GLIS3: variants seen among roughly 807,000 people sequenced by gnomAD.
GLIS3 encodes the protein zinc finger protein GLIS3.
Under a neutral mutation model 78.6 loss-of-function variants are expected in GLIS3, and 53 were observed. The ratio of observed to expected loss-of-function variants is 0.67; its 90% CI spans 0.54 to 0.85. The LOEUF is 0.85. Among genes scored for constraint, GLIS3 ranks in the 40% least tolerant of loss-of-function variants. GLIS3 has a pLI of 0.00. For missense variants in GLIS3, 1,703 were observed against 1,231.1 expected, an observed-to-expected ratio of 1.38 and a Z score of -5.74; for synonymous variants, 684 against 509.9, an observed-to-expected ratio of 1.34 and a Z score of -4.60.
chr9:4,003,770 G>A (rs1329435904), intron 4 of GLIS3, among the ~76,000 whole-genome samples: 1 of 152,204 alleles, frequency 6.6e-6, no homozygotes, highest in Admixed American at 6.5e-5. Context: ...GGATGATGGT[G>A]AGCTGTCTCA....
chr9:4,266,261 G>A (rs1217611650), intron 2 of GLIS3, among the ~76,000 whole-genome samples: 1 of 151,876 alleles, frequency 6.6e-6, no homozygotes, highest in Non-Finnish European at 1.5e-5. Context: ...TCAGGAAAAT[G>A]AGCCACCTGG....
At chr9:4,261,860 G>A (rs1275784915) in intron 2 of GLIS3, among the ~76,000 whole-genome samples, 1 of 152,020 alleles carries the variant, frequency 6.6e-6, no homozygotes, top group Non-Finnish European at 1.5e-5. Context: ...GAACAGATAT[G>A]GACTTCTTTG....
chr9:3,908,146 C>G (rs998278951), intron 6 of GLIS3, among the ~76,000 whole-genome samples: 1 of 152,116 alleles, frequency 6.6e-6, no homozygotes, highest in Non-Finnish European at 1.5e-5. Context: ...GTCACTGTGT[C>G]CAAACCTCCA....
intron 6 of GLIS3, among the ~76,000 whole-genome samples, chr9:3,909,608 C>G (rs1390747253): frequency 6.6e-6 from 1 of 152,062 alleles, no homozygotes; most frequent in East Asian, 1.9e-4. Flanking sequence ...AATGAGCACT[C>G]CAAAATACGT....
the GLIS3 span, among the ~76,000 whole-genome samples, chr9:4,427,156 G>A: frequency 1.3e-5 from 2 of 152,134 alleles, no homozygotes; most frequent in African/African-American, 4.8e-5. Flanking sequence ...TGGGTGAGAG[G>A]CGATGGAACA....
chr9:3,889,822 GT>G lies in GLIS3; in HGVS notation c.2128+8868del, dbSNP rs1411858866. Among the ~76,000 whole-genome samples, 5 of 152,164 alleles carry G rather than the reference GT, an allele frequency of 3.3e-5. 1 individual carries two copies. The highest frequency in any genetic ancestry group is 1.2e-4 in the African/African-American group (5 of 41,448). ...TTAAAAAATCTTAAAACCATCCTTA[GT>G]TCTCAGGCCATGCAAAATCACGGGG... On this transcript the variant is annotated intron_variant, in intron 7 of 10. Coordinates refer to ENST00000381971, the MANE Select transcript of GLIS3 (RefSeq NM_001042413.2).
chr9:3,928,213 AGAT>A lies in GLIS3; in HGVS notation c.1983+4144_1983+4146del, dbSNP rs1410646881. 5.9e-5 allele frequency among the ~76,000 whole-genome samples: 9 copies of A among 152,340 alleles called. No individual in the cohort carries two copies. The East Asian group carries it at 1.7e-3, about 29-fold the overall frequency. On this transcript the variant is annotated intron_variant, in intron 6 of 10. Transcript: ENST00000381971. Reference sequence around the variant, plus strand: ...GGAAGAGGTGGACTAGTTCATCTTGAGATGATATGTCTGTGATATGTGCCTATT... The same window carrying A: ...GGAAGAGGTGGACTAGTTCATCTTGAGATATGTCTGTGATATGTGCCTATT...
chr9:4,220,921 G>A (rs1053161040), intron 2 of GLIS3, among the ~76,000 whole-genome samples: 3 of 152,078 alleles, frequency 2.0e-5, no homozygotes, highest in African/African-American at 7.2e-5. Flanking sequence ...GGAGGTGGAG[G>A]TTGCAGTGAG....
At chr9:4,109,749 C>T (rs1412610850) in intron 4 of GLIS3, among the ~76,000 whole-genome samples, 1 of 152,198 alleles carries the variant, frequency 6.6e-6, no homozygotes, top group Non-Finnish European at 1.5e-5. Context: ...CCTCCAGCCT[C>T]ACTTCCACTC....
chr9:3,963,372 T>C (rs775170974), intron 4 of GLIS3, among the ~76,000 whole-genome samples: 3 of 152,210 alleles, frequency 2.0e-5, no homozygotes, highest in Non-Finnish European at 4.4e-5. Flanking sequence ...AATATTGAAG[T>C]GACGACTGCT....
intron 4 of GLIS3, among the ~76,000 whole-genome samples, chr9:3,962,557 GTTGT>G (rs1817636639): frequency 6.6e-6 from 1 of 152,170 alleles, no homozygotes; most frequent in Admixed American, 6.5e-5. Context: ...CAAGTCGTTG[GTTGT>G]TTACTTATAT....
At chr9:4,332,480 A>G (rs1587390470) in intron 2 of GLIS3, among the ~76,000 whole-genome samples, 1 of 152,146 alleles carries the variant, frequency 6.6e-6, no homozygotes, top group African/African-American at 2.4e-5. Context: ...TTTTCACAAA[A>G]CCACTTACTT....
At position 3,973,403 on chromosome 9, in the gene GLIS3, G is replaced by A. The variant is rs575402397; in HGVS notation, c.1711-36214C>T. ...ATTATATGGTTGGTCTTCCTGGCATGGCCTGTCCCACCTTAACACTGTTGG... is the reference window on the plus strand; with the variant it reads ...ATTATATGGTTGGTCTTCCTGGCATAGCCTGTCCCACCTTAACACTGTTGG... On this transcript the variant is annotated intron_variant, in intron 4 of 10. Transcript: ENST00000381971. Among the ~76,000 whole-genome samples the A allele has an allele frequency of 2.3e-3, 353 of 152,222 alleles. 2 individuals are homozygous for A. Among genetic ancestry groups the A allele is most frequent in the Non-Finnish European group, 3.0e-3 (202 of 68,010 alleles).
At chr9:4,309,200 C>T (rs1817300912) in intron 3 of GLIS3, among the ~76,000 whole-genome samples, 1 of 152,236 alleles carries the variant, frequency 6.6e-6, no homozygotes, top group African/African-American at 2.4e-5. Flanking sequence ...ACTGCACTCT[C>T]CTGTCATTCC....
At chr9:4,302,280 T>A (rs1482596416), upstream of GLIS3, among the ~76,000 whole-genome samples, 1 of 152,218 alleles carries the variant, frequency 6.6e-6, no homozygotes. Context: ...AGGTGGGAAC[T>A]GCAGCCCAGT....
chr9:4,342,344 G>A, intron 2 of GLIS3, among the ~76,000 whole-genome samples: 1 of 152,192 alleles, frequency 6.6e-6, no homozygotes, highest in Non-Finnish European at 1.5e-5. Context: ...TTATGGCCTG[G>A]TGCTTTCATC....
At chr9:4,013,673 C>T (rs115987395) in intron 4 of GLIS3, among the ~76,000 whole-genome samples, 5,481 of 152,272 alleles carry the variant, frequency 0.036, 345 homozygotes, top group African/African-American at 0.13. Context: ...GTAGAAAGTA[C>T]TAGGCCACCT....
intron 6 of GLIS3, among the ~76,000 whole-genome samples, chr9:3,917,310 C>T (rs1471207000): frequency 6.6e-6 from 1 of 152,184 alleles, no homozygotes; most frequent in Non-Finnish European, 1.5e-5. Context: ...GCTGTCAGAG[C>T]TGAAGATGTT....
rs1414539292 is a variant in GLIS3 at position 3,977,906 on chromosome 9, T to C, written c.1711-40717A>G. ...ACACCACGCAGCAATGAAATGCTGC[T>C]AACTTTTATTTGTGAGTGTGAAATG... On this transcript the variant is annotated intron_variant, in intron 4 of 10. Coordinates refer to ENST00000381971, the MANE Select transcript of GLIS3 (RefSeq NM_001042413.2). This position sits in a 1 kb window ranked among gnomAD's most constrained non-coding sequence, Gnocchi z 4.1. Among the ~76,000 whole-genome samples the C allele has an allele frequency of 1.3e-5, 2 of 152,212 alleles. No homozygotes were observed. The highest frequency in any genetic ancestry group is 2.9e-5 in the Non-Finnish European group (2 of 68,038).
Sources: allele counts gnomAD v4.1 joint callset (sites outside exome capture counted in the v4.1 genomes callset), GRCh38; gene constraint gnomAD v4.1.1; non-coding constraint Gnocchi (gnomAD v3.1); transcripts MANE v1.5; gene names NCBI Gene and HGNC (gene_info 2026-07-23, HGNC 2026-07-21).